Variants in SDK2 observed in about 807,000 individuals in gnomAD.
The protein encoded by SDK2 is sidekick cell adhesion molecule 2.
A neutral mutation model predicts 253.9 loss-of-function variants in SDK2; 105 were observed. The observed-to-expected ratio is 0.41, with a 90% CI of 0.35 to 0.49. The LOEUF (loss-of-function observed/expected upper bound fraction) is 0.49. Among genes scored for constraint, SDK2 ranks in the 20% least tolerant of loss-of-function variants. SDK2 has a pLI of 0.06. For synonymous variants in SDK2, 1,249 were observed against 1,234.9 expected (o/e 1.01, Z -0.24); for missense variants, 2,608 against 3,003.0 (o/e 0.87, Z 3.07).
intron 42 of SDK2, 63 bp from the exon 43 acceptor site, chr17:73,350,438 T>G: frequency 3.9e-6 from 6 of 1,555,090 alleles, no homozygotes; most frequent in Non-Finnish European, 5.2e-6. Context: ...CATACCACTC[T>G]CCACCTGGCT....
intron 11 of SDK2, 59 bp from the exon 12 acceptor site, chr17:73,430,672 C>T (rs2063319933): frequency 1.7e-6 from 2 of 1,186,636 alleles, no homozygotes; most frequent in Non-Finnish European, 2.3e-6. Flanking sequence ...TGTGGCTGGA[C>T]TCTGGGTGGA....
In SDK2 at chr17:73,465,290, G is replaced by A. The variant is rs913036356; in HGVS notation, c.331+6822C>T. ...GCCAGCCTCCCAGGATGGGGCAGGC[G>A]CTCTGCCCTGCTGTGGGTGGGTGGG... On this transcript the variant is annotated intron_variant, in intron 3 of 44. Transcript: ENST00000392650. The surrounding 1 kb of genome is among the most constrained non-coding windows in gnomAD (Gnocchi z 4.2). Among the ~76,000 whole-genome samples, 34 of 139,230 alleles carry A rather than the reference G, an allele frequency of 2.4e-4. No individual in the cohort carries two copies. Among genetic ancestry groups the A allele is most frequent in the African/African-American group, 7.0e-4 (26 of 37,392 alleles). 91.3% of individuals were successfully genotyped at this position (139,230 alleles called of 152,430 possible).
chr17:73,376,640 T>G (rs776375707), intron 36 of SDK2, among the ~76,000 whole-genome samples: 2 of 152,040 alleles, frequency 1.3e-5, no homozygotes, highest in Non-Finnish European at 2.9e-5. Flanking sequence ...TATGGTGTTG[T>G]GCACCTGCAC....
chr17:73,478,642 G>A (rs2063702279), intron 2 of SDK2, among the ~76,000 whole-genome samples: 1 of 152,154 alleles, frequency 6.6e-6, no homozygotes, highest in African/African-American at 2.4e-5. Flanking sequence ...AGAGGAGCAG[G>A]GGGGACAATA....
intron 1 of SDK2, among the ~76,000 whole-genome samples, chr17:73,597,737 C>T (rs192286202): frequency 1.2e-4 from 18 of 152,098 alleles, no homozygotes; most frequent in Admixed American, 1.0e-3. Context: ...GCTCCGCCTC[C>T]CGGGTTCACG....
At chr17:73,357,488 CT>C (rs2062601443) in intron 40 of SDK2, 1 of 191,764 alleles carries the variant, frequency 5.2e-6, no homozygotes, top group African/African-American at 2.4e-5. Flanking sequence ...ACGCAGGGAG[CT>C]GGCAGTGGCT....
intron 26 of SDK2, 97 bp downstream of exon 26, chr17:73,394,111 AG>A (rs1270966372): frequency 3.0e-6 from 2 of 664,968 alleles, no homozygotes; most frequent in Non-Finnish European, 4.7e-6. Flanking sequence ...CCACTCTAGG[AG>A]GCAGAGACCT....
intron 1 of SDK2, among the ~76,000 whole-genome samples, chr17:73,586,414 C>T (rs1470789767): frequency 1.3e-5 from 2 of 152,164 alleles, no homozygotes; most frequent in Non-Finnish European, 2.9e-5. Flanking sequence ...AGACCAAGAG[C>T]GTAAATTCCT....
chr17:73,408,311 G>A lies in SDK2; in HGVS notation c.2485-6170C>T, dbSNP rs560135668. On this transcript the variant is annotated intron_variant, in intron 18 of 44. Transcript: ENST00000392650. ...CAGCTCACGGCAACCTCTGCCTCCC[G>A]GGTTCACGCCTTTCTCCTGCCTCAG... 5.5e-3 allele frequency among the ~76,000 whole-genome samples: 830 copies of A among 150,476 alleles called. 14 individuals are homozygous for A. The highest frequency in any genetic ancestry group is 0.019 in the African/African-American group (796 of 40,854).
chr17:73,352,370 T>A lies in SDK2; in HGVS notation c.5758+103A>T. Reference sequence around the variant, plus strand: ...ACAATGTGTTTTTGTTCCCGCCCCATGCTCCTGGTGCCCTGGTGCCTCTCC... The same window carrying A: ...ACAATGTGTTTTTGTTCCCGCCCCAAGCTCCTGGTGCCCTGGTGCCTCTCC... On this transcript the variant is annotated intron_variant, in intron 41 of 44. Transcript: ENST00000392650. The surrounding 1 kb of genome is among the most constrained non-coding windows in gnomAD (Gnocchi z 4.1). 2.2e-6 allele frequency: 3 copies of A among 1,393,330 alleles called. No individual in the cohort carries two copies. The highest frequency in any genetic ancestry group is 2.7e-5 in the South Asian group (2 of 74,546). The allele number at this position is 1,393,330 out of a possible 1,614,324, so 86.3% of individuals were successfully genotyped here. A position where few individuals can be genotyped will look rare whatever the true frequency, so the allele number is the denominator to read the frequency against.
chr17:73,351,202 C>T (rs1276736866), intron 41 of SDK2, among the ~76,000 whole-genome samples: 3 of 151,802 alleles, frequency 2.0e-5, no homozygotes, highest in Non-Finnish European at 2.9e-5. Context: ...CTCCACTTCC[C>T]GGGTTCAAGC....
In SDK2 at chr17:73,553,573, AG is replaced by A. The variant is rs199728759; in HGVS notation, c.65-45977del. 2.3e-3 allele frequency among the ~76,000 whole-genome samples: 349 copies of A among 152,098 alleles called. 4 individuals are homozygous for A. In the South Asian group the frequency reaches 0.03, roughly 13 times the overall value. On this transcript the variant is annotated intron_variant, in intron 1 of 44. Transcript: ENST00000392650. ...AAGCCAGGATAGCACAAGGAAGGAC[AG>A]GGGGGGACAGAGAGGTTTGAGGCCC...
At chr17:73,380,494 G>A (rs2062821221) in intron 34 of SDK2, among the ~76,000 whole-genome samples, 1 of 152,140 alleles carries the variant, frequency 6.6e-6, no homozygotes, top group Non-Finnish European at 1.5e-5. Flanking sequence ...TCCAGGTGTG[G>A]GGCCAGACTG....
At chr17:73,356,132 T>C (rs926314345) in intron 40 of SDK2, among the ~76,000 whole-genome samples, 6 of 152,234 alleles carry the variant, frequency 3.9e-5, no homozygotes, top group African/African-American at 1.2e-4. Flanking sequence ...GCAGCAGAGC[T>C]GGTGTTACTG....
At chr17:73,525,177 G>A (rs12939511) in intron 1 of SDK2, among the ~76,000 whole-genome samples, 6,870 of 152,276 alleles carry the variant, frequency 0.045, 173 homozygotes, top group Middle Eastern at 0.12. Flanking sequence ...AGAACCATGG[G>A]TCTTGTCCCC....
At chr17:73,394,347 A>G (rs1277533763) in intron 25 of SDK2, 23 bp from the exon 26 acceptor site, 1 of 1,506,192 alleles carries the variant, frequency 6.6e-7, no homozygotes, top group East Asian at 2.4e-5. Flanking sequence ...GGGAGTGGAG[A>G]GAAGGCACTC....
rs192267016 is a variant in SDK2 at position 73,636,108 on chromosome 17, C to T, written c.64+7917G>A. Reference sequence around the variant, plus strand: ...CTGTCTCTTCTTGGGAAGACAGTGACGTATGCCGTGGAAGCCAAAGGCAGC... The same window carrying T: ...CTGTCTCTTCTTGGGAAGACAGTGATGTATGCCGTGGAAGCCAAAGGCAGC... On this transcript the variant is annotated intron_variant, in intron 1 of 44. Coordinates refer to ENST00000392650, the MANE Select transcript of SDK2 (RefSeq NM_001144952.2). 2.8e-4 allele frequency among the ~76,000 whole-genome samples: 43 copies of T among 152,200 alleles called. 1 individual carries two copies. The East Asian group carries it at 5.2e-3, about 19-fold the overall frequency.
chr17:73,401,225 C>T lies in SDK2; in HGVS notation c.2780-14G>A. On this transcript the variant is annotated splice_polypyrimidine_tract_variant and intron_variant, in intron 20 of 44. Coordinates refer to ENST00000392650, the MANE Select transcript of SDK2 (RefSeq NM_001144952.2). ...AGATCCGGTACCCTGGGGAGAGCCG[C>T]CGTGTTGGCATGAGCTTGGCTGTGA... is the stretch of plus-strand genomic sequence containing the variant. 8 of 1,538,090 alleles carry T rather than the reference C, an allele frequency of 5.2e-6. No homozygotes were observed. Among genetic ancestry groups the T allele is most frequent in the Admixed American group, 4.0e-5 (2 of 50,456 alleles).
intron 39 of SDK2, among the ~76,000 whole-genome samples, chr17:73,359,067 A>G (rs1197357168): frequency 1.3e-5 from 2 of 151,986 alleles, no homozygotes; most frequent in African/African-American, 4.8e-5. Context: ...GTCACCTCCA[A>G]TCCTGCTCCC....
Sources: allele counts gnomAD v4.1 joint callset (sites outside exome capture counted in the v4.1 genomes callset), GRCh38; gene constraint gnomAD v4.1.1; non-coding constraint Gnocchi (gnomAD v3.1); transcripts MANE v1.5; gene names NCBI Gene and HGNC (gene_info 2026-07-23, HGNC 2026-07-21).